The following OSBPL9 variants were observed in gnomAD, a reference collection of about 807,000 sequenced individuals.
OSBPL9 encodes the protein oxysterol binding protein like 9.
OSBPL9 carries 40 observed loss-of-function variants against 106.6 expected under a neutral mutation model. The ratio of observed to expected loss-of-function variants is 0.38; its 90% confidence interval spans 0.29 to 0.49. OSBPL9 has a LOEUF of 0.49. Among genes scored for constraint, OSBPL9 ranks in the 20% least tolerant of loss-of-function variants. The pLI is 0.97. For synonymous variants in OSBPL9, 269 were observed against 295.4 expected (o/e 0.91, Z 0.92); for missense variants, 609 against 887.2 (o/e 0.69, Z 3.98).
At chr1:51,680,550 A>G (rs1652307441) in intron 3 of OSBPL9, among the ~76,000 whole-genome samples, 1 of 151,830 alleles carries the variant, frequency 6.6e-6, no homozygotes, top group South Asian at 2.1e-4. Flanking sequence ...AGTCCCAGCT[A>G]CTAGGGAGGT....
chr1:51,680,079 C>T (rs544811570), intron 3 of OSBPL9, among the ~76,000 whole-genome samples: 86 of 152,106 alleles, frequency 5.7e-4, no homozygotes, highest in African/African-American at 2.0e-3. Flanking sequence ...CATGGCGAAA[C>T]CCCCTCTCCA....
intron 3 of OSBPL9, 116 bp from the exon 4 acceptor site, chr1:51,713,887 T>TA: frequency 1.4e-6 from 1 of 738,640 alleles, no homozygotes; most frequent in Non-Finnish European, 2.2e-6. Context: ...ATTAAGGAAA[T>TA]GGTACAACTA....
upstream of OSBPL9, among the ~76,000 whole-genome samples, chr1:51,615,531 TTC>T (rs1161828633): frequency 6.6e-6 from 1 of 152,184 alleles, no homozygotes; most frequent in Non-Finnish European, 1.5e-5. Flanking sequence ...ACTGCTGCTA[TTC>T]TCTCTTTTCT....
rs74625086 is a variant in OSBPL9 at position 51,627,057 on chromosome 1, T to G, written c.111+9836T>G. Among the ~76,000 whole-genome samples, 200 of 152,276 alleles carry G rather than the reference T, an allele frequency of 1.3e-3. 2 individuals are homozygous for G. The East Asian group carries it at 0.028, about 21-fold the overall frequency. The stretch of plus-strand genomic sequence containing the variant: ...TCTTTCTCTGTTGTCCATCCTGGAG[T>G]GCAGTGGCACAATCATAGCTTATAG... On this transcript the variant is annotated intron_variant, in intron 1 of 23. Coordinates refer to ENST00000428468, the MANE Select transcript of OSBPL9 (RefSeq NM_024586.6).
intron 1 of OSBPL9, among the ~76,000 whole-genome samples, chr1:51,620,716 C>G (rs1644374316): frequency 6.6e-6 from 1 of 152,084 alleles, no homozygotes; most frequent in South Asian, 2.1e-4. Context: ...AGCAGGAGGA[C>G]AGATAATGAA....
the OSBPL9 span, among the ~76,000 whole-genome samples, chr1:51,555,113 G>C: frequency 1.3e-5 from 2 of 152,166 alleles, no homozygotes; most frequent in Non-Finnish European, 2.9e-5. Flanking sequence ...TTATCACTCT[G>C]CTAGCCTCCA....
In OSBPL9 at chr1:51,652,110, G is replaced by A. The variant is rs1570806028; in HGVS notation, c.162+69G>A. ...AAAATTGTATTCTGATAGAATTATG[G>A]AAGTCTAAATTTAGTTTAGCTTCCT... On this transcript the variant is annotated intron_variant, in intron 2 of 23. Coordinates refer to ENST00000428468, the MANE Select transcript of OSBPL9 (RefSeq NM_024586.6). The A allele has an allele frequency of 4.0e-6, 5 of 1,236,196 alleles. No individual in the cohort carries two copies. In the East Asian group the frequency reaches 1.2e-4, roughly 30 times the overall value. The allele number at this position is 1,236,196 out of a possible 1,614,324, so 76.6% of individuals were successfully genotyped here. A position where few individuals can be genotyped will look rare whatever the true frequency, so the allele number is the denominator to read the frequency against.
intron 2 of OSBPL9, among the ~76,000 whole-genome samples, chr1:51,656,235 A>T (rs10888732): frequency 0.24 from 37,063 of 152,064 alleles, 6,322 homozygotes; most frequent in African/African-American, 0.47. Context: ...GTACGGTTGT[A>T]ATGAGGCTTA....
intron 16 of OSBPL9, 87 bp from the exon 17 acceptor site, chr1:51,782,472 A>ATC: frequency 3.8e-6 from 4 of 1,042,174 alleles, no homozygotes; most frequent in Admixed American, 2.0e-5. Flanking sequence ...GTGTGTGTAG[A>ATC]GCGAGCAGAG....
In OSBPL9 at chr1:51,768,169, C is replaced by T. The variant is rs187069549; in HGVS notation, c.938+2188C>T. ...TGTTAGCCAGGATGGTCTCGATCTCCTGACCTCATGATCAGCCCGCCTCGG... is the reference window on the plus strand; with the variant it reads ...TGTTAGCCAGGATGGTCTCGATCTCTTGACCTCATGATCAGCCCGCCTCGG... On this transcript the variant is annotated intron_variant, in intron 12 of 23. Transcript: ENST00000428468. Among the ~76,000 whole-genome samples, 264 of 152,158 alleles carry T rather than the reference C, an allele frequency of 1.7e-3. 7 individuals carry two copies. In the East Asian group the frequency reaches 0.035, roughly 20 times the overall value.
At chr1:51,560,130 G>C in the OSBPL9 span, among the ~76,000 whole-genome samples, 1 of 152,206 alleles carries the variant, frequency 6.6e-6, no homozygotes, top group Non-Finnish European at 1.5e-5. Flanking sequence ...GAGGGCGTCT[G>C]TCCCAGAAAC....
chr1:51,787,142 G>C (rs1278181476), intron 22 of OSBPL9, among the ~76,000 whole-genome samples: 1 of 152,104 alleles, frequency 6.6e-6, no homozygotes, highest in Non-Finnish European at 1.5e-5. Flanking sequence ...CATACTATCA[G>C]GCAGCCCTTA....
At chr1:51,600,800 C>A (rs536253423) in intron 2 of OSBPL9, among the ~76,000 whole-genome samples, 1 of 152,198 alleles carries the variant, frequency 6.6e-6, no homozygotes, top group East Asian at 1.9e-4. Context: ...GCACTTGGCA[C>A]AGAATAAGAA....
intron 1 of OSBPL9, among the ~76,000 whole-genome samples, chr1:51,630,527 A>T (rs932242050): frequency 3.3e-5 from 5 of 151,774 alleles, no homozygotes; most frequent in Admixed American, 6.7e-5. Flanking sequence ...AAAGATAAAA[A>T]ATGGTACACC....
At chr1:51,551,894 T>G in the OSBPL9 span, among the ~76,000 whole-genome samples, 1 of 151,850 alleles carries the variant, frequency 6.6e-6, no homozygotes, top group Non-Finnish European at 1.5e-5. Flanking sequence ...TGTCCAGCCT[T>G]CCAACAGTCT....
intron 3 of OSBPL9, 48 bp from the exon 4 acceptor site, chr1:51,713,955 T>C (rs772933283): frequency 1.5e-6 from 2 of 1,373,498 alleles, no homozygotes; most frequent in East Asian, 5.0e-5. Context: ...TATGGAGATA[T>C]ATTATAGAAT....
At chr1:51,649,736 CTTTTTTTTTT>C (rs71578080) in intron 1 of OSBPL9, among the ~76,000 whole-genome samples, 1 of 97,014 alleles carries the variant, frequency 1.0e-5, no homozygotes, top group Non-Finnish European at 2.1e-5. Flanking sequence ...ACATGTTAGT[CTTTTTTTTTT>C]TTTTTTTTTT....
rs374561470 is a variant in OSBPL9 at position 51,628,909 on chromosome 1, C to T, written c.111+11688C>T. Among the ~76,000 whole-genome samples, 29 of 152,068 alleles carry T rather than the reference C, an allele frequency of 1.9e-4. No individual in the cohort carries two copies. In the East Asian group the frequency reaches 5.5e-3, roughly 29 times the overall value. ...ATGTTGGCCAGGCTGGTCTCCTGAC[C>T]TCAAGTGATCCACCCTCCTCGGCCT... On this transcript the variant is annotated intron_variant, in intron 1 of 23. Transcript: ENST00000428468.
Position 51,617,240 on chromosome 1 carries a change from C to T in OSBPL9, c.111+19C>T, listed in dbSNP as rs1644094948. 1.3e-6 allele frequency: 2 copies of T among 1,584,778 alleles called. No homozygotes were observed. The highest frequency in any genetic ancestry group is 2.3e-5 in the East Asian group (1 of 43,584). ...CTACACGGTGAGTCCTTGGAGGGCACAGCTCCAGGCGCCTCGGGGCCGCGT... is the reference window on the plus strand; with the variant it reads ...CTACACGGTGAGTCCTTGGAGGGCATAGCTCCAGGCGCCTCGGGGCCGCGT... On this transcript the variant is annotated intron_variant, in intron 1 of 23. Coordinates refer to ENST00000428468, the MANE Select transcript of OSBPL9 (RefSeq NM_024586.6).
Sources: gnomAD v4.1 joint callset for allele counts (sites outside exome capture counted in the v4.1 genomes callset) on GRCh38, gnomAD v4.1.1 for gene constraint, MANE v1.5 for transcripts, NCBI Gene and HGNC (gene_info 2026-07-23, HGNC 2026-07-21) for gene names.